Variants in CDK12 observed in about 807,000 individuals in gnomAD.
CDK12 encodes the protein cyclin-dependent kinase 12.
A neutral mutation model predicts 133.8 loss-of-function variants in CDK12; 17 were observed. The observed-to-expected ratio is 0.13, with a 90% CI of 0.09 to 0.19. The LOEUF (loss-of-function observed/expected upper bound fraction) is 0.19, where lower values mean the gene tolerates loss of function less well. Among genes scored for constraint, CDK12 ranks in the 10% least tolerant of loss-of-function variants. The probability of loss-of-function intolerance (pLI) is 1.00; values close to 1 mark genes in which losing one functional copy is unlikely to be tolerated. For missense variants in CDK12, 1,508 were observed against 1,818.7 expected (o/e 0.83, Z 3.11); for synonymous variants, 694 against 683.6 (o/e 1.02, Z -0.24).
chr17:39,462,581 C>G lies in CDK12; in HGVS notation c.510C>G (p.Ser170Arg), dbSNP rs1165554050. The change falls in exon 1 of 14, where the codon AGC becomes AGG. Residue 170 changes from serine (S) to arginine (R), a missense_variant. Coordinates refer to ENST00000447079, the MANE Select transcript of CDK12 (RefSeq NM_016507.4). ...GGAAGGCGCAGGTAGCCAAAAGCAGCAGCAAGGAATCCAGGTCATCCAAGC... is the reference window on the plus strand; with the variant it reads ...GGAAGGCGCAGGTAGCCAAAAGCAGGAGCAAGGAATCCAGGTCATCCAAGC... ...DYGKAQVAKS[S>R]SKESRSSKLH... 2 of 1,614,092 alleles carry G rather than the reference C, an allele frequency of 1.2e-6. No homozygotes were observed. Among genetic ancestry groups the G allele is most frequent in the Admixed American group, 3.3e-5 (2 of 59,996 alleles).
chr17:39,502,793 G>A (rs1236177296), intron 6 of CDK12, among the ~76,000 whole-genome samples: 3 of 152,122 alleles, frequency 2.0e-5, no homozygotes, highest in African/African-American at 7.2e-5. Flanking sequence ...AGAAGCAGCT[G>A]CATGCACAAA....
intron 5 of CDK12, among the ~76,000 whole-genome samples, chr17:39,496,912 CTTTTTTTTTTTTT>C (rs71147349): frequency 2.3e-5 from 2 of 87,834 alleles, no homozygotes; most frequent in Admixed American, 1.5e-4. Flanking sequence ...TTCAGTATAT[CTTTTTTTTTTTTT>C]TTTTTTTTTT....
intron 2 of CDK12, among the ~76,000 whole-genome samples, chr17:39,481,655 TC>T (rs2050688265): frequency 8.2e-5 from 1 of 12,220 alleles, no homozygotes; most frequent in Non-Finnish European, 2.5e-4. Context: ...TCTCTCTCTC[TC>T]TCTCTCTCTC....
Position 39,532,116 on chromosome 17 carries a change from C to CTA in CDK12, c.*801_*802insAT, listed in dbSNP as rs2054895204. Reference sequence around the variant, plus strand: ...TCTCTCTCTCTTTCTCTCTCTCTCTCTCTCTCTCTCTCTCTCTCTCTCTCT... The same window carrying CTA: ...TCTCTCTCTCTTTCTCTCTCTCTCTCTATCTCTCTCTCTCTCTCTCTCTCTCT... On this transcript the variant is annotated 3_prime_UTR_variant, in exon 14 of 14. Coordinates refer to ENST00000447079, the MANE Select transcript of CDK12 (RefSeq NM_016507.4). The CTA allele has an allele frequency of 2.1e-4, 41 of 192,596 alleles. No individual in the cohort carries two copies. The highest frequency in any genetic ancestry group is 1.6e-3 in the Admixed American group (25 of 15,154). 11.9% of individuals were successfully genotyped at this position (192,596 alleles called of 1,614,324 possible). A position where few individuals can be genotyped will look rare whatever the true frequency, so the allele number is the denominator to read the frequency against.
chr17:39,472,138 C>T (rs1346343871), intron 2 of CDK12, among the ~76,000 whole-genome samples: 1 of 151,872 alleles, frequency 6.6e-6, no homozygotes. Flanking sequence ...CATGCACCAC[C>T]ATGCCTGGCT....
intron 1 of CDK12, among the ~76,000 whole-genome samples, chr17:39,464,760 G>A (rs999383599): frequency 6.7e-6 from 1 of 149,048 alleles, no homozygotes; most frequent in South Asian, 2.2e-4. Context: ...TCCAGGCTGG[G>A]CAACATAGTG....
intron 5 of CDK12, among the ~76,000 whole-genome samples, chr17:39,498,071 A>G (rs187302296): frequency 4.1e-4 from 62 of 150,466 alleles, no homozygotes; most frequent in Non-Finnish European, 2.2e-4. Flanking sequence ...TGACATGATC[A>G]CAGCTCACTG....
chr17:39,523,872 C>G (rs997055412), intron 11 of CDK12, among the ~76,000 whole-genome samples: 4 of 152,094 alleles, frequency 2.6e-5, no homozygotes, highest in African/African-American at 9.7e-5. Flanking sequence ...AGGCTAGTCT[C>G]GAACTCCTGA....
At chr17:39,492,431 G>C (rs983605312) in intron 3 of CDK12, among the ~76,000 whole-genome samples, 20 of 138,376 alleles carry the variant, frequency 1.4e-4, no homozygotes, top group African/African-American at 5.1e-4. Flanking sequence ...TTTTTGAGAG[G>C]GTGTCTTGCT....
intron 2 of CDK12, among the ~76,000 whole-genome samples, chr17:39,476,470 G>A (rs1209122529): frequency 6.6e-6 from 1 of 151,814 alleles, no homozygotes. Flanking sequence ...GTCCAGGCTG[G>A]AGTGCAGTGA....
chr17:39,549,923 A>G (rs2144171523), upstream of CDK12: 1 of 152,342 alleles, frequency 6.6e-6, no homozygotes, highest in Non-Finnish European at 1.5e-5. Flanking sequence ...CTACCCTGGC[A>G]GAGGATCAAA....
At chr17:39,541,103 T>C (rs979848606) in intron 1 of CDK12, among the ~76,000 whole-genome samples, 7 of 151,838 alleles carry the variant, frequency 4.6e-5, no homozygotes, top group Non-Finnish European at 7.4e-5. Context: ...TGAACACTTA[T>C]GTCAATGCTG....
chr17:39,517,050 C>T (rs1413113178), intron 9 of CDK12, among the ~76,000 whole-genome samples: 1 of 151,996 alleles, frequency 6.6e-6, no homozygotes, highest in Admixed American at 6.6e-5. Flanking sequence ...AATTTTCAGT[C>T]TTATACTCTC....
chr17:39,495,404 T>G lies in CDK12; in HGVS notation c.2419+710T>G, dbSNP rs1341948576. Reference sequence around the variant, plus strand: ...CATGTGTTTTTTTTTTTTTTTTTTTTTTTTTTTTTTTTATAAAATAATAAG... The same window carrying G: ...CATGTGTTTTTTTTTTTTTTTTTTTGTTTTTTTTTTTTATAAAATAATAAG... On this transcript the variant is annotated intron_variant, in intron 5 of 13. Coordinates refer to ENST00000447079, the MANE Select transcript of CDK12 (RefSeq NM_016507.4). 3.5e-4 allele frequency among the ~76,000 whole-genome samples: 53 copies of G among 149,366 alleles called. 1 individual carries two copies. The highest frequency in any genetic ancestry group is 3.1e-3 in the South Asian group (15 of 4,774).
At chr17:39,527,913 T>C (rs547378361) in intron 13 of CDK12, among the ~76,000 whole-genome samples, 4 of 151,876 alleles carry the variant, frequency 2.6e-5, no homozygotes, top group Non-Finnish European at 5.9e-5. Context: ...TGAAAGTCCG[T>C]ACTTTTTTTT....
intron 1 of CDK12, among the ~76,000 whole-genome samples, chr17:39,464,769 T>C (rs1401376023): frequency 7.0e-6 from 1 of 142,384 alleles, no homozygotes; most frequent in East Asian, 2.1e-4. Flanking sequence ...GGCAACATAG[T>C]GAGGCCCCGT....
chr17:39,525,785 T>C, intron 12 of CDK12, 79 bp from the exon 13 acceptor site: 1 of 1,020,566 alleles, frequency 9.8e-7, no homozygotes, highest in South Asian at 1.6e-5. Context: ...ATATTGTAAG[T>C]TGCTGTTGCC....
At chr17:39,479,304 G>A (rs1285416377) in intron 2 of CDK12, among the ~76,000 whole-genome samples, 24 of 90,270 alleles carry the variant, frequency 2.7e-4, no homozygotes, top group Non-Finnish European at 4.3e-4. Flanking sequence ...GCGAGACTCC[G>A]TCTGAAAAAA....
chr17:39,475,032 A>G (rs2050086109), intron 2 of CDK12, among the ~76,000 whole-genome samples: 1 of 151,590 alleles, frequency 6.6e-6, no homozygotes, highest in African/African-American at 2.4e-5. Context: ...ACAGGGTTTC[A>G]CCATGTTGGC....
Sources: allele counts gnomAD v4.1 joint callset (sites outside exome capture counted in the v4.1 genomes callset), GRCh38; gene constraint gnomAD v4.1.1; transcripts MANE v1.5; gene names NCBI Gene and HGNC (gene_info 2026-07-23, HGNC 2026-07-21).